Variants in CD320 observed in about 807,000 individuals in gnomAD.
The protein encoded by CD320 is CD320 antigen.
CD320 carries 16 observed loss-of-function variants against 22.1 expected under a neutral mutation model. That is an observed-to-expected ratio of 0.73 (90% CI 0.49 to 1.10). The LOEUF (loss-of-function observed/expected upper bound fraction) is 1.10. CD320 is among the 50% of genes least tolerant of loss of function. The pLI, the probability that CD320 is intolerant of heterozygous loss-of-function variation, is 0.00. For synonymous variants in CD320, 188 were observed against 167.8 expected, an observed-to-expected ratio of 1.12 and a Z score of -0.93; for missense variants, 388 against 376.9, an observed-to-expected ratio of 1.03 and a Z score of -0.24.
intron 1 of CD320, among the ~76,000 whole-genome samples, chr19:8,307,125 C>T (rs1041708655): frequency 3.3e-5 from 5 of 151,968 alleles, no homozygotes; most frequent in African/African-American, 4.8e-5. Flanking sequence ...AACCCCATCT[C>T]TACTAAAAAT....
intron 1 of CD320, among the ~76,000 whole-genome samples, chr19:8,306,437 G>C (rs959306034): frequency 6.6e-6 from 1 of 152,170 alleles, no homozygotes; most frequent in African/African-American, 2.4e-5. Flanking sequence ...GCTGCTTGCC[G>C]ACCTGGAGGG....
intron 1 of CD320, 113 bp downstream of exon 1, chr19:8,308,036 G>A (rs1266821892): frequency 9.3e-7 from 1 of 1,074,610 alleles, no homozygotes; most frequent in African/African-American, 1.7e-5. Context: ...CACGTGCTGG[G>A]GGAGTGTCAT....
chr19:8,302,622 G>A lies in CD320; in HGVS notation c.707-17C>T. On this transcript the variant is annotated splice_polypyrimidine_tract_variant and intron_variant, in intron 4 of 4. Transcript: ENST00000301458. ...TGAGCACCGCTGTGGGGAACAGATG[G>A]ACAGAGGAGTAAGGAGGGGGAAGGC... 6.2e-7 allele frequency: 1 copy of A among 1,612,138 alleles called. No homozygotes were observed. The highest frequency in any genetic ancestry group is 8.5e-7 in the Non-Finnish European group (1 of 1,178,744).
At chr19:8,306,922 G>A (rs187401418) in intron 1 of CD320, among the ~76,000 whole-genome samples, 1 of 152,298 alleles carries the variant, frequency 6.6e-6, no homozygotes, top group East Asian at 1.9e-4. Flanking sequence ...GAGTTACAGT[G>A]ACCAGTGACT....
At chr19:8,305,214 G>A in intron 1 of CD320, 58 bp from the exon 2 acceptor site, 1 of 1,545,246 alleles carries the variant, frequency 6.5e-7, no homozygotes, top group Non-Finnish European at 8.7e-7. Flanking sequence ...TTCTCCAAGA[G>A]CACAGTAGTC....
rs1178457763 is a variant in CD320, at chr19:8,308,271, G to A, written c.20C>T (p.Ala7Val). 4.4e-6 allele frequency: 7 copies of A among 1,582,988 alleles called. No individual in the cohort carries two copies. Among genetic ancestry groups the A allele is most frequent in the Non-Finnish European group, 6.0e-6 (7 of 1,170,418 alleles). Residue 7 changes from alanine (A) to valine (V), a missense_variant, in exon 1 of 5, where the codon GCG becomes GTG. Transcript: ENST00000301458. ...CCCTGTTCGCCACGCTCCAACCTGC[G>A]CCATCCAACCGCCGCTCATGCTGTC... is the stretch of plus-strand genomic sequence containing the variant. MSGGWM[A>V]QVGAWRTGAL...
Position 8,304,007 on chromosome 19 carries a change from G to C in CD320, c.350C>G (p.Ser117Cys), listed in dbSNP as rs1258505304. 1.3e-6 allele frequency: 2 copies of C among 1,569,570 alleles called. No individual in the cohort carries two copies. The highest frequency in any genetic ancestry group is 4.7e-5 in the East Asian group (2 of 42,252). Residue 117 changes from serine to cysteine, a missense_variant, in exon 3 of 5, where the codon TCT becomes TGT. Physicochemically the swap from Ser to Cys is moderately radical, Grantham distance 112. Coordinates refer to ENST00000301458, the MANE Select transcript of CD320 (RefSeq NM_016579.4). ...PCPCTGVSDC[S>C]GGTDKKLRNC... ...GCGCAGTTTCTTGTCAGTTCCCCCA[G>C]AGCAGTCACTGACGCCGGTGCAGGG...
At position 8,308,286 on chromosome 19, in the gene CD320, C is replaced by A. The variant is rs369854642; in HGVS notation, c.5G>T (p.Ser2Ile). The change falls in exon 1 of 5, where the codon AGC becomes ATC. Residue 2 changes from serine (S) to isoleucine (I), a missense_variant. Ser to Ile is a moderately radical substitution (Grantham distance 142). Coordinates refer to ENST00000301458, the MANE Select transcript of CD320 (RefSeq NM_016579.4). M[S>I]GGWMAQVGAW... ...TCCAACCTGCGCCATCCAACCGCCG[C>A]TCATGCTGTCCCCACAGCGGCGCCG... 1.9e-6 allele frequency: 3 copies of A among 1,587,670 alleles called. No homozygotes were observed. Among genetic ancestry groups the A allele is most frequent in the Non-Finnish European group, 2.6e-6 (3 of 1,173,938 alleles).
intron 1 of CD320, among the ~76,000 whole-genome samples, chr19:8,307,866 G>A (rs1970116424): frequency 6.6e-6 from 1 of 152,172 alleles, no homozygotes; most frequent in African/African-American, 2.4e-5. Context: ...GCGGCTTGGA[G>A]GTGACAATGG....
At chr19:8,307,331 C>T (rs1970105000) in intron 1 of CD320, among the ~76,000 whole-genome samples, 1 of 116,978 alleles carries the variant, frequency 8.5e-6, no homozygotes, top group South Asian at 3.2e-4. Flanking sequence ...TGAACGCTGC[C>T]TCCTTAAAAA....
intron 2 of CD320, among the ~76,000 whole-genome samples, chr19:8,304,325 A>ATTTG (rs200862589): frequency 2.0e-5 from 3 of 151,840 alleles, no homozygotes; most frequent in Non-Finnish European, 4.4e-5. Flanking sequence ...ACTTTATTCT[A>ATTTG]TTTGTTTGTT....
chr19:8,303,635 G>A (rs962877401), intron 3 of CD320, among the ~76,000 whole-genome samples: 1 of 151,660 alleles, frequency 6.6e-6, no homozygotes, highest in Non-Finnish European at 1.5e-5. Flanking sequence ...GGCAGGTCTC[G>A]AAATCCTGAC....
At position 8,308,322 on chromosome 19, in the gene CD320, G is replaced by T. The variant is rs368979780; in HGVS notation, c.-32C>A. ...CCCACAGCGGCGCCGGCCACGCGCT[G>T]TCCAGACCGCTCTCTTATCCCTGCG... On this transcript the variant is annotated 5_prime_UTR_variant, in exon 1 of 5. Transcript: ENST00000301458. 8.9e-4 allele frequency: 1,407 copies of T among 1,578,032 alleles called. 2 individuals carry two copies. The highest frequency in any genetic ancestry group is 7.9e-4 in the Non-Finnish European group (924 of 1,169,450).
At chr19:8,303,097 A>AATG in intron 3 of CD320, 117 bp from the exon 4 acceptor site, 3 of 679,110 alleles carry the variant, frequency 4.4e-6, no homozygotes, top group Non-Finnish European at 7.8e-6. Flanking sequence ...GGTGAAGCTG[A>AATG]CTGCCCGTAA....
At position 8,303,099 on chromosome 19, in the gene CD320, T is replaced by TGCG. The variant is rs1970034073; in HGVS notation, c.503-120_503-119insCGC. Reference sequence around the variant, plus strand: ...ACCAACCAGGCTGGGTGAAGCTGACTGCCCGTAATTATGTCTTTTTTTTTT... The same window carrying TGCG: ...ACCAACCAGGCTGGGTGAAGCTGACTGCGGCCCGTAATTATGTCTTTTTTTTTT... On this transcript the variant is annotated intron_variant, in intron 3 of 4. Transcript: ENST00000301458. 5.9e-6 allele frequency: 4 copies of TGCG among 681,256 alleles called. 1 individual carries two copies. Among genetic ancestry groups the TGCG allele is most frequent in the Non-Finnish European group, 7.6e-6 (3 of 393,492 alleles). The allele number at this position is 681,256 out of a possible 1,614,324, so 42.2% of individuals were successfully genotyped here. A position where few individuals can be genotyped will look rare whatever the true frequency, so the allele number is the denominator to read the frequency against.
chr19:8,305,820 T>G (rs1040282724), intron 1 of CD320: 7 of 152,406 alleles, frequency 4.6e-5, no homozygotes, highest in Non-Finnish European at 1.0e-4. Flanking sequence ...CAGGGAGACC[T>G]CCAAACTCAG....
intron 3 of CD320, among the ~76,000 whole-genome samples, chr19:8,303,612 G>C (rs539549776): frequency 1.3e-5 from 2 of 151,784 alleles, no homozygotes; most frequent in Non-Finnish European, 2.9e-5. Context: ...ACGGGGTTTC[G>C]CAGTGTTTGC....
intron 3 of CD320, 131 bp from the exon 4 acceptor site, chr19:8,303,111 T>C (rs1296179748): frequency 4.6e-6 from 3 of 658,228 alleles, no homozygotes; most frequent in Admixed American, 2.8e-5. Context: ...CCCGTAATTA[T>C]GTCTTTTTTT....
Position 8,302,798 on chromosome 19 carries a change from A to G in CD320, c.685T>C (p.Tyr229His), listed in dbSNP as rs1423660217. The change falls in exon 4 of 5, where the codon TAT (tyrosine) becomes CAT (histidine). Residue 229 changes from tyrosine (Y) to histidine (H), a missense_variant. Coordinates refer to ENST00000301458, the MANE Select transcript of CD320 (RefSeq NM_016579.4). ...AGDQSGSPTA[Y>H]GVIAAAAVLS... is the part of the protein sequence containing the mutation. ...TTACCAGCAGCTGCAATAACCCCATAGGCAGTTGGGCTTCCAGACTGGTCT... is the reference window on the plus strand; with the variant it reads ...TTACCAGCAGCTGCAATAACCCCATGGGCAGTTGGGCTTCCAGACTGGTCT... The G allele has an allele frequency of 3.1e-6, 5 of 1,613,992 alleles. No individual in the cohort carries two copies. The highest frequency in any genetic ancestry group is 3.4e-6 in the Non-Finnish European group (4 of 1,180,008).
Sources: allele counts gnomAD v4.1 joint callset (sites outside exome capture counted in the v4.1 genomes callset), GRCh38; gene constraint gnomAD v4.1.1; transcripts MANE v1.5; gene names NCBI Gene and HGNC (gene_info 2026-07-23, HGNC 2026-07-21).